The following VPS37B variants were observed in gnomAD, a reference collection of about 807,000 sequenced individuals.
The protein encoded by VPS37B is vacuolar protein sorting-associated protein 37B.
VPS37B carries 11 observed loss-of-function variants against 21.2 expected under a neutral mutation model. The ratio of observed to expected loss-of-function variants is 0.52; its 90% confidence interval spans 0.33 to 0.86. The LOEUF is 0.86. Among genes scored for constraint, VPS37B ranks in the 40% least tolerant of loss-of-function variants. The pLI is 0.03. For missense variants in VPS37B, 389 were observed against 374.8 expected (o/e 1.04, Z -0.31); for synonymous variants, 175 against 159.6 (o/e 1.10, Z -0.73).
chr12:122,882,858 A>G (rs1449331088), intron 1 of VPS37B: 2 of 152,260 alleles, frequency 1.3e-5, no homozygotes, highest in Non-Finnish European at 2.9e-5. Context: ...TGAAGCCTGT[A>G]ACCCAAGCCT....
chr12:122,875,120 C>G (rs548941393), intron 1 of VPS37B: 2 of 150,446 alleles, frequency 1.3e-5, no homozygotes, highest in Non-Finnish European at 1.5e-5. Flanking sequence ...AATGCAGTGG[C>G]GTGATCTCAG....
chr12:122,890,337 CTTTTTTT>C (rs1169226130), intron 1 of VPS37B, among the ~76,000 whole-genome samples: 1 of 141,296 alleles, frequency 7.1e-6, no homozygotes, highest in African/African-American at 2.6e-5. Context: ...TCACACGTGG[CTTTTTTT>C]TTTTTTTGAG....
At chr12:122,882,887 G>C (rs898171362) in intron 1 of VPS37B, 1 of 152,230 alleles carries the variant, frequency 6.6e-6, no homozygotes, top group Non-Finnish European at 1.5e-5. Flanking sequence ...CCTTAGATGT[G>C]CTGTAAACAC....
intron 1 of VPS37B, among the ~76,000 whole-genome samples, chr12:122,891,227 G>A (rs2034406695): frequency 1.3e-5 from 2 of 152,182 alleles, no homozygotes; most frequent in Non-Finnish European, 2.9e-5. Flanking sequence ...TTTAGCAAAC[G>A]CAGAAGAGCA....
intron 1 of VPS37B, chr12:122,884,918 T>C (rs968252215): frequency 6.6e-6 from 1 of 152,214 alleles, no homozygotes; most frequent in African/African-American, 2.4e-5. Flanking sequence ...TGGATTTATG[T>C]TTATTAAGAC....
At chr12:122,874,344 T>C (rs1219049396) in intron 1 of VPS37B, 1 of 152,214 alleles carries the variant, frequency 6.6e-6, no homozygotes, top group African/African-American at 2.4e-5. Flanking sequence ...TGTTGAGCTC[T>C]TCAGGAGGGG....
rs767016393 is a variant in VPS37B, at chr12:122,867,506, G to C, written c.468C>G (p.Ile156Met). 4.3e-6 allele frequency: 7 copies of C among 1,614,036 alleles called. No homozygotes were observed. The highest frequency in any genetic ancestry group is 5.9e-6 in the Non-Finnish European group (7 of 1,180,002). ...RKLAHMRRVK[I>M]EKLQEMVLKG... is the part of the protein sequence containing the mutation. Reference sequence around the variant, plus strand: ...TTAGGACCATCTCCTGGAGCTTCTCGATTTTCACCCGTCGCATGTGGGCCA... The same window carrying C: ...TTAGGACCATCTCCTGGAGCTTCTCCATTTTCACCCGTCGCATGTGGGCCA... Residue 156 changes from isoleucine to methionine, a missense_variant, in exon 4 of 4, where the codon ATC becomes ATG. Ile to Met is a conservative substitution (Grantham distance 10). Coordinates refer to ENST00000267202, the MANE Select transcript of VPS37B (RefSeq NM_024667.3). This position sits in a 1 kb window ranked among gnomAD's most constrained non-coding sequence, Gnocchi z 5.5.
chr12:122,886,807 T>G (rs1009554831), intron 1 of VPS37B: 1 of 152,212 alleles, frequency 6.6e-6, no homozygotes. Context: ...TCATCTTATT[T>G]AATCCTCAGA....
chr12:122,873,800 T>C (rs2034086986), intron 1 of VPS37B: 1 of 152,162 alleles, frequency 6.6e-6, no homozygotes, highest in South Asian at 2.1e-4. Context: ...TCACTGTCTG[T>C]CCCAACACTA....
intron 1 of VPS37B, chr12:122,877,422 C>G (rs186995356): frequency 6.6e-6 from 1 of 152,292 alleles, no homozygotes; most frequent in African/African-American, 2.4e-5. Flanking sequence ...TGTTCTATCA[C>G]GCAGGCTGAC....
In VPS37B at chr12:122,866,990, T is replaced by C. The variant is rs989772761; in HGVS notation, c.*126A>G. The stretch of plus-strand genomic sequence containing the variant: ...TCACCACTGACCTACAGTTCTAAAA[T>C]CAGACAGACACGCTGGCCCAGGGCC... On this transcript the variant is annotated 3_prime_UTR_variant, in exon 4 of 4. Coordinates refer to ENST00000267202, the MANE Select transcript of VPS37B (RefSeq NM_024667.3). 6 of 1,265,508 alleles carry C rather than the reference T, an allele frequency of 4.7e-6. No homozygotes were observed. In the African/African-American group the frequency reaches 9.1e-5, roughly 19 times the overall value. The allele number at this position is 1,265,508 out of a possible 1,614,324, so 78.4% of individuals were successfully genotyped here. A position where few individuals can be genotyped will look rare whatever the true frequency, so the allele number is the denominator to read the frequency against.
At chr12:122,895,332 A>C (rs1294593486) in intron 1 of VPS37B, among the ~76,000 whole-genome samples, 1 of 148,818 alleles carries the variant, frequency 6.7e-6, no homozygotes, top group Admixed American at 6.7e-5. Context: ...TCAGTCCCCC[A>C]AAACCTACTC....
intron 1 of VPS37B, chr12:122,883,027 C>T (rs2135707837): frequency 6.6e-6 from 1 of 152,244 alleles, no homozygotes; most frequent in South Asian, 2.1e-4. Context: ...AATCGGAGAA[C>T]ATTATGAAAC....
chr12:122,890,333 G>A (rs1385943028), intron 1 of VPS37B, among the ~76,000 whole-genome samples: 2 of 149,120 alleles, frequency 1.3e-5, no homozygotes, highest in Non-Finnish European at 3.0e-5. Context: ...GAATTCACAC[G>A]TGGCTTTTTT....
At chr12:122,874,976 A>C (rs1278843882) in intron 1 of VPS37B, 4 of 123,292 alleles carry the variant, frequency 3.2e-5, no homozygotes, top group Admixed American at 8.7e-5. Context: ...AAAAAAAAAA[A>C]AAAAACTCCA....
intron 2 of VPS37B, among the ~76,000 whole-genome samples, chr12:122,869,718 T>C (rs556991695): frequency 5.3e-5 from 8 of 152,276 alleles, no homozygotes; most frequent in African/African-American, 1.7e-4. Flanking sequence ...GGTGGGACTA[T>C]AGGCGAGCAC....
chr12:122,882,942 T>C (rs1286987642), intron 1 of VPS37B: 1 of 152,170 alleles, frequency 6.6e-6, no homozygotes, highest in African/African-American at 2.4e-5. Flanking sequence ...TGAAACAAAC[T>C]TAACAGTTGC....
chr12:122,865,615 A>G lies in VPS37B; in HGVS notation c.*1501T>C, dbSNP rs542161331. 5.3e-5 allele frequency: 8 copies of G among 151,932 alleles called. No individual in the cohort carries two copies. The highest frequency in any genetic ancestry group is 1.2e-4 in the Non-Finnish European group (8 of 67,926). The allele number at this position is 151,932 out of a possible 1,614,324, so 9.4% of individuals were successfully genotyped here. ...CCTGTACAGCTTCATTTCCTTTAAG[A>G]AAACAGTTACAGTAGAGTTCAAGTC... On this transcript the variant is annotated 3_prime_UTR_variant, in exon 4 of 4. Transcript: ENST00000267202.
At chr12:122,893,900 G>A (rs945433801) in intron 1 of VPS37B, among the ~76,000 whole-genome samples, 7 of 151,488 alleles carry the variant, frequency 4.6e-5, no homozygotes, top group African/African-American at 7.3e-5. Context: ...CAGGTTCTGA[G>A]GTAGAGGAAA....
Sources: gnomAD v4.1 joint callset for allele counts (sites outside exome capture counted in the v4.1 genomes callset) on GRCh38, gnomAD v4.1.1 for gene constraint, Gnocchi (gnomAD v3.1) non-coding constraint, MANE v1.5 for transcripts, NCBI Gene and HGNC (gene_info 2026-07-23, HGNC 2026-07-21) for gene names.